SCEL: variants seen among roughly 807,000 people sequenced by gnomAD.
SCEL encodes the protein sciellin.
Under a neutral mutation model 117.6 loss-of-function variants are expected in SCEL, and 113 were observed. The observed-to-expected ratio is 0.96, with a 90% CI of 0.83 to 1.12. The LOEUF is 1.12. SCEL is among the 50% of genes most tolerant of loss of function. SCEL has a pLI of 0.00. For synonymous variants in SCEL, 270 were observed against 256.2 expected, an observed-to-expected ratio of 1.05 and a Z score of -0.51; for missense variants, 785 against 810.8, an observed-to-expected ratio of 0.97 and a Z score of 0.39.
intron 11 of SCEL, among the ~76,000 whole-genome samples, chr13:77,592,192 T>G (rs1477665272): frequency 2.0e-5 from 3 of 152,168 alleles, no homozygotes; most frequent in Non-Finnish European, 1.5e-5. Flanking sequence ...CGTTTGACTT[T>G]CAGAAGAGTG....
chr13:77,591,502 A>C (rs115680772), intron 11 of SCEL, 42 bp downstream of exon 11: 2 of 1,130,536 alleles, frequency 1.8e-6, no homozygotes, highest in East Asian at 4.7e-5. Context: ...TGTAGTAATG[A>C]TAAAGTATGC....
At chr13:77,619,947 C>T (rs2089318900) in intron 27 of SCEL, among the ~76,000 whole-genome samples, 1 of 152,002 alleles carries the variant, frequency 6.6e-6, no homozygotes, top group South Asian at 2.1e-4. Flanking sequence ...GAGTTTTTTG[C>T]CTTTTGTTTT....
chr13:77,593,673 G>A, intron 12 of SCEL, 100 bp downstream of exon 12: 1 of 781,550 alleles, frequency 1.3e-6, no homozygotes, highest in South Asian at 1.6e-5. Context: ...CAAAATCCTA[G>A]TGCTGTATAT....
At position 77,628,000 on chromosome 13, in the gene SCEL, A is replaced by G. The variant is rs766376090; in HGVS notation, c.1682A>G (p.Lys561Arg). 2.7e-6 allele frequency: 4 copies of G among 1,498,856 alleles called. No individual in the cohort carries two copies. The highest frequency in any genetic ancestry group is 1.4e-5 in the African/African-American group (1 of 72,492). 92.8% of individuals were successfully genotyped at this position (1,498,856 alleles called of 1,614,324 possible). Residue 561 changes from lysine (K) to arginine (R), a missense_variant, in exon 28 of 33, where the codon AAG becomes AGG. Lys to Arg is a conservative substitution (Grantham distance 26). Transcript: ENST00000349847. ...IEVNSHVSEN[K>R]NGSSNTGAKQ... ...GTAAATTCTCATGTGTCTGAAAACA[A>G]GAATGGAAGGTAAAGCTTATTATAA... is the stretch of plus-strand genomic sequence containing the variant.
At chr13:77,538,786 C>T (rs528634652) in intron 1 of SCEL, among the ~76,000 whole-genome samples, 5 of 152,218 alleles carry the variant, frequency 3.3e-5, no homozygotes, top group African/African-American at 1.2e-4. Flanking sequence ...TCTGTAGACC[C>T]AAGTTTCCCT....
intron 1 of SCEL, among the ~76,000 whole-genome samples, chr13:77,538,984 G>A (rs1369022545): frequency 6.6e-6 from 1 of 152,156 alleles, no homozygotes; most frequent in Non-Finnish European, 1.5e-5. Flanking sequence ...TAGTTAAAAA[G>A]CTTTGGAGAA....
chr13:77,568,284 TC>T lies in SCEL; in HGVS notation c.360-10del. The stretch of plus-strand genomic sequence containing the variant: ...CATTGTTCAAACTTTGCTTTCTTTC[TC>T]TCTTACCAGGAGCATGTCCATGTTT... On this transcript the variant is annotated splice_polypyrimidine_tract_variant and intron_variant, in intron 6 of 32. Transcript: ENST00000349847. 6.5e-7 allele frequency: 1 copy of T among 1,547,852 alleles called. No individual in the cohort carries two copies. The highest frequency in any genetic ancestry group is 8.9e-7 in the Non-Finnish European group (1 of 1,128,376).
intron 12 of SCEL, among the ~76,000 whole-genome samples, chr13:77,595,829 A>G (rs889556985): frequency 3.3e-5 from 5 of 152,296 alleles, no homozygotes; most frequent in African/African-American, 9.6e-5. Context: ...CAATTCTACC[A>G]TTGATACCTA....
intron 1 of SCEL, among the ~76,000 whole-genome samples, chr13:77,548,769 G>T (rs1474402982): frequency 6.6e-6 from 1 of 152,160 alleles, no homozygotes; most frequent in Non-Finnish European, 1.5e-5. Context: ...TCTCTTGTCT[G>T]CCCTCATGTA....
intron 8 of SCEL, 51 bp downstream of exon 8, chr13:77,569,502 G>C: frequency 2.2e-6 from 3 of 1,367,132 alleles, no homozygotes; most frequent in East Asian, 2.3e-5. Flanking sequence ...ATGAAAGACT[G>C]CATTAGAAAG....
chr13:77,563,741 A>G, intron 4 of SCEL, 90 bp from the exon 5 acceptor site: 1 of 942,244 alleles, frequency 1.1e-6, no homozygotes, highest in Non-Finnish European at 1.6e-6. Flanking sequence ...GAAATAGGTC[A>G]AAATATTGCC....
At chr13:77,555,412 A>G (rs1028067816) in intron 1 of SCEL, among the ~76,000 whole-genome samples, 1 of 152,212 alleles carries the variant, frequency 6.6e-6, no homozygotes, top group Non-Finnish European at 1.5e-5. Context: ...TTCAGGAAGC[A>G]GCTGAGGAGC....
intron 8 of SCEL, among the ~76,000 whole-genome samples, chr13:77,571,875 GATTT>G (rs2085653685): frequency 6.6e-6 from 1 of 152,064 alleles, no homozygotes; most frequent in South Asian, 2.1e-4. Context: ...ATTTGCTTTA[GATTT>G]CTTTTTAAAA....
chr13:77,630,877 A>G (rs2089991739), intron 28 of SCEL, among the ~76,000 whole-genome samples: 1 of 152,244 alleles, frequency 6.6e-6, no homozygotes, highest in Non-Finnish European at 1.5e-5. Context: ...TAAGCCATCA[A>G]GTGACATATG....
chr13:77,617,929 T>A, intron 26 of SCEL, 67 bp downstream of exon 26: 1 of 1,577,750 alleles, frequency 6.3e-7, no homozygotes, highest in Non-Finnish European at 8.7e-7. Flanking sequence ...GGATTTATAA[T>A]GTTGCTTTAT....
At chr13:77,615,112 A>T (rs2088926675) in intron 24 of SCEL, among the ~76,000 whole-genome samples, 2 of 152,144 alleles carry the variant, frequency 1.3e-5, no homozygotes, top group African/African-American at 4.8e-5. Context: ...TGCATTCTTA[A>T]AAAGGAGACA....
intron 27 of SCEL, among the ~76,000 whole-genome samples, chr13:77,625,849 G>C (rs1363523940): frequency 6.6e-6 from 1 of 152,176 alleles, no homozygotes; most frequent in Non-Finnish European, 1.5e-5. Flanking sequence ...GACCACGAGA[G>C]GGGAGATTTT....
chr13:77,602,904 A>G (rs1240452382), intron 17 of SCEL, 172 bp from the exon 18 acceptor site: 2 of 626,442 alleles, frequency 3.2e-6, no homozygotes, highest in Non-Finnish European at 5.4e-6. Flanking sequence ...ATAAAATCCT[A>G]AGGATTAATT....
chr13:77,567,170 C>T (rs1365942519), intron 5 of SCEL, among the ~76,000 whole-genome samples: 1 of 152,154 alleles, frequency 6.6e-6, no homozygotes, highest in African/African-American at 2.4e-5. Flanking sequence ...CTTAAAATTT[C>T]AGGCTGGGTG....
Sources: gnomAD v4.1 joint callset for allele counts (sites outside exome capture counted in the v4.1 genomes callset) on GRCh38, gnomAD v4.1.1 for gene constraint, MANE v1.5 for transcripts, NCBI Gene and HGNC (gene_info 2026-07-23, HGNC 2026-07-21) for gene names.